Variants in DIS3L2 observed in about 807,000 individuals in gnomAD.
DIS3L2 encodes the protein DIS3-like exonuclease 2.
A neutral mutation model predicts 97.5 loss-of-function variants in DIS3L2; 34 were observed. That is an observed-to-expected ratio of 0.35 (90% CI 0.27 to 0.46). DIS3L2 has a LOEUF of 0.46. Among genes scored for constraint, DIS3L2 ranks in the 20% least tolerant of loss-of-function variants. DIS3L2 has a pLI of 1.00. For synonymous variants in DIS3L2, 435 were observed against 445.2 expected, an observed-to-expected ratio of 0.98 and a Z score of 0.29; for missense variants, 1,038 against 1,146.0, an observed-to-expected ratio of 0.91 and a Z score of 1.36.
intron 10 of DIS3L2, among the ~76,000 whole-genome samples, chr2:232,211,334 TG>T (rs1042337120): frequency 9.2e-5 from 14 of 152,122 alleles, no homozygotes; most frequent in Admixed American, 4.6e-4. Context: ...GTGGTAGAGA[TG>T]GGGTTTCACC....
chr2:232,274,655 C>G (rs1307917202), intron 13 of DIS3L2, among the ~76,000 whole-genome samples: 1 of 152,198 alleles, frequency 6.6e-6, no homozygotes, highest in Non-Finnish European at 1.5e-5. Flanking sequence ...ACTCAAGAGC[C>G]TGCAGTCTTA....
intron 6 of DIS3L2, among the ~76,000 whole-genome samples, chr2:232,117,421 A>G (rs936841859): frequency 2.0e-5 from 3 of 152,242 alleles, no homozygotes; most frequent in Non-Finnish European, 4.4e-5. Flanking sequence ...TGATTCTTGC[A>G]TAGATCAAGT....
intron 1 of DIS3L2, among the ~76,000 whole-genome samples, 190 bp from the exon 2 acceptor site, chr2:232,014,645 T>C (rs1311201270): frequency 6.6e-6 from 1 of 152,184 alleles, no homozygotes; most frequent in Non-Finnish European, 1.5e-5. Flanking sequence ...TAGTGGTACC[T>C]GTGAGGGTGA....
chr2:232,176,931 A>G (rs1691182493), intron 9 of DIS3L2, among the ~76,000 whole-genome samples: 1 of 145,350 alleles, frequency 6.9e-6, no homozygotes, highest in African/African-American at 2.5e-5. Context: ...CATTAGGTAT[A>G]TCTCCCAATG....
At chr2:232,095,622 C>T (rs1416024059) in intron 6 of DIS3L2, among the ~76,000 whole-genome samples, 1 of 152,078 alleles carries the variant, frequency 6.6e-6, no homozygotes, top group Admixed American at 6.6e-5. Context: ...TATAATATTT[C>T]AGTGTTTTTC....
intron 15 of DIS3L2, 33 bp downstream of exon 15, chr2:232,330,029 G>A: frequency 6.3e-7 from 1 of 1,578,744 alleles, no homozygotes; most frequent in Non-Finnish European, 8.6e-7. Flanking sequence ...GGGAGGCCCT[G>A]CTTGGGGGAA....
intron 5 of DIS3L2, among the ~76,000 whole-genome samples, chr2:232,054,399 TA>T: frequency 6.6e-6 from 1 of 152,352 alleles, no homozygotes; most frequent in Non-Finnish European, 1.5e-5. Context: ...ATAGAAGATT[TA>T]AATAATACTT....
chr2:232,026,013 A>T (rs55681128), intron 4 of DIS3L2, among the ~76,000 whole-genome samples: 296 of 152,270 alleles, frequency 1.9e-3, no homozygotes, highest in African/African-American at 6.9e-3. Flanking sequence ...TCTCTTGTGC[A>T]TGCTTAAGTT....
At chr2:232,215,549 T>C (rs1233397850) in intron 10 of DIS3L2, among the ~76,000 whole-genome samples, 1 of 152,186 alleles carries the variant, frequency 6.6e-6, no homozygotes, top group Non-Finnish European at 1.5e-5. Flanking sequence ...GACAGCTTTG[T>C]TCCTGGGAGC....
chr2:232,279,182 C>A (rs1178063388), intron 13 of DIS3L2, among the ~76,000 whole-genome samples: 1 of 152,150 alleles, frequency 6.6e-6, no homozygotes, highest in Non-Finnish European at 1.5e-5. Context: ...GGTGATCTAC[C>A]CACCTCGGCC....
chr2:232,049,527 C>G (rs1695342134), intron 5 of DIS3L2, among the ~76,000 whole-genome samples: 1 of 152,192 alleles, frequency 6.6e-6, no homozygotes. Context: ...CTTCTACCTT[C>G]TGTCCACATG....
At chr2:232,171,856 A>T (rs773107557) in intron 9 of DIS3L2, among the ~76,000 whole-genome samples, 7 of 152,148 alleles carry the variant, frequency 4.6e-5, no homozygotes, top group Admixed American at 6.6e-5. Flanking sequence ...AAATAGCACC[A>T]CTCTCAGAAA....
chr2:232,299,967 T>G lies in DIS3L2; in HGVS notation c.1660-73T>G, dbSNP rs1290682619. ...GAGTGTGACTTCGTTTGATTTTATT[T>G]TTTTCATTTCAGCTATTGGAATGAA... On this transcript the variant is annotated intron_variant, in intron 13 of 20. Coordinates refer to ENST00000325385, the MANE Select transcript of DIS3L2 (RefSeq NM_152383.5). 3 of 1,470,304 alleles carry G rather than the reference T, an allele frequency of 2.0e-6. No individual in the cohort carries two copies. The Admixed American group carries it at 5.2e-5, about 26-fold the overall frequency. 91.1% of individuals were successfully genotyped at this position (1,470,304 alleles called of 1,614,324 possible). A position where few individuals can be genotyped will look rare whatever the true frequency, so the allele number is the denominator to read the frequency against.
chr2:232,222,790 C>T (rs1239922667), intron 10 of DIS3L2, among the ~76,000 whole-genome samples: 1 of 152,144 alleles, frequency 6.6e-6, no homozygotes, highest in Non-Finnish European at 1.5e-5. Context: ...TTTTAACTGT[C>T]CTTGTTGTAT....
chr2:232,259,088 T>C (rs1693647836), intron 12 of DIS3L2, among the ~76,000 whole-genome samples: 1 of 152,198 alleles, frequency 6.6e-6, no homozygotes, highest in African/African-American at 2.4e-5. Flanking sequence ...TTCAAGCTTC[T>C]ACCTCAGCCC....
chr2:232,260,939 G>A (rs953933694), intron 12 of DIS3L2, among the ~76,000 whole-genome samples: 2 of 152,214 alleles, frequency 1.3e-5, no homozygotes, highest in Non-Finnish European at 2.9e-5. Context: ...GAACAGAAGG[G>A]TTGGCTGGTG....
At chr2:232,176,788 A>T (rs71421617) in intron 9 of DIS3L2, among the ~76,000 whole-genome samples, 89,296 of 147,700 alleles carry the variant, frequency 0.6, 28,012 homozygotes, top group African/African-American at 0.65. Context: ...TTAATTAATT[A>T]ATTAATTTAT....
intron 8 of DIS3L2, among the ~76,000 whole-genome samples, chr2:232,156,747 G>A (rs1039726920): frequency 2.0e-5 from 3 of 152,146 alleles, no homozygotes; most frequent in African/African-American, 7.2e-5. Flanking sequence ...TGGTCACTGT[G>A]TTCTAGGTCA....
chr2:232,252,417 T>TAAAAGA (rs1369199870), intron 12 of DIS3L2, among the ~76,000 whole-genome samples: 1 of 151,786 alleles, frequency 6.6e-6, no homozygotes, highest in Non-Finnish European at 1.5e-5. Flanking sequence ...CTGAAAAAAA[T>TAAAAGA]AAAAGAAAAA....
Sources: allele counts gnomAD v4.1 joint callset (sites outside exome capture counted in the v4.1 genomes callset), GRCh38; gene constraint gnomAD v4.1.1; transcripts MANE v1.5; gene names NCBI Gene and HGNC (gene_info 2026-07-23, HGNC 2026-07-21).